The following VPS13C variants were observed in gnomAD, a reference collection of about 807,000 sequenced individuals.
The protein encoded by VPS13C is intermembrane lipid transfer protein VPS13C.
VPS13C carries 358 observed loss-of-function variants against 456.8 expected under a neutral mutation model. The observed-to-expected ratio is 0.78, with a 90% CI of 0.72 to 0.86. The LOEUF (loss-of-function observed/expected upper bound fraction) is 0.86. Ranked by LOEUF, VPS13C falls within the 40% of genes least tolerant of loss-of-function variation. VPS13C has a pLI of 0.00. For missense variants in VPS13C, 4,818 were observed against 4,385.4 expected, an observed-to-expected ratio of 1.10 and a Z score of -2.79; for synonymous variants, 1,578 against 1,486.7, an observed-to-expected ratio of 1.06 and a Z score of -1.41.
In VPS13C at chr15:61,912,021, A is replaced by G; in HGVS notation, c.8551-17T>C. 1 of 1,550,462 alleles carries G rather than the reference A, an allele frequency of 6.4e-7. No homozygotes were observed. The highest frequency in any genetic ancestry group is 8.7e-7 in the Non-Finnish European group (1 of 1,146,254). On this transcript the variant is annotated splice_polypyrimidine_tract_variant and intron_variant, in intron 62 of 84. Transcript: ENST00000644861. ...AACACCAACCTGTGGAAAGGAAAAA[A>G]GCTTATTTTCCAGTTTATTCAATGT...
intron 16 of VPS13C, among the ~76,000 whole-genome samples, chr15:61,996,998 C>CATATATATATATATATAT (rs35381809): frequency 4.8e-4 from 70 of 145,564 alleles, no homozygotes; most frequent in African/African-American, 1.8e-3. Flanking sequence ...TACATACATA[C>CATATATATATATATATAT]ATATATATAT....
chr15:62,030,592 A>G (rs990013937), intron 5 of VPS13C, among the ~76,000 whole-genome samples: 1 of 152,102 alleles, frequency 6.6e-6, no homozygotes, highest in African/African-American at 2.4e-5. Context: ...TAACACACAC[A>G]TCATGTGACC....
At chr15:61,869,405 C>A (rs1894846996) in intron 80 of VPS13C, 95 bp downstream of exon 80, 1 of 1,373,680 alleles carries the variant, frequency 7.3e-7, no homozygotes, top group Non-Finnish European at 9.9e-7. Context: ...ACTTTAAGAT[C>A]CTTAGGAGCA....
chr15:61,854,599 A>G (rs574028586), intron 84 of VPS13C, 41 bp from the exon 85 acceptor site: 3 of 1,595,598 alleles, frequency 1.9e-6, no homozygotes, highest in South Asian at 1.1e-5. Context: ...AAAGACAAGT[A>G]TAGGCTCATT....
intron 77 of VPS13C, among the ~76,000 whole-genome samples, chr15:61,874,093 C>T (rs776951158): frequency 2.0e-5 from 3 of 151,828 alleles, no homozygotes; most frequent in Non-Finnish European, 4.4e-5. Flanking sequence ...AAAACAAATA[C>T]TGCATGTTCT....
chr15:61,971,510 C>T (rs575623251), intron 27 of VPS13C, among the ~76,000 whole-genome samples: 1 of 152,296 alleles, frequency 6.6e-6, no homozygotes, highest in African/African-American at 2.4e-5. Context: ...ATCCACCCAC[C>T]TCGGGCTCCC....
At chr15:62,005,688 T>A (rs2046810585) in intron 15 of VPS13C, among the ~76,000 whole-genome samples, 1 of 151,892 alleles carries the variant, frequency 6.6e-6, no homozygotes, top group South Asian at 2.1e-4. Context: ...GTGCTTATTT[T>A]TTTTATTTTT....
At chr15:61,942,492 A>T (rs2044463608) in intron 45 of VPS13C, among the ~76,000 whole-genome samples, 1 of 151,734 alleles carries the variant, frequency 6.6e-6, no homozygotes, top group Non-Finnish European at 1.5e-5. Flanking sequence ...AGGCCACAGC[A>T]ATAAAGTTTA....
intron 61 of VPS13C, among the ~76,000 whole-genome samples, 164 bp downstream of exon 61, chr15:61,915,469 A>G (rs1368613672): frequency 6.6e-6 from 1 of 152,228 alleles, no homozygotes; most frequent in East Asian, 1.9e-4. Flanking sequence ...GAAACCTATT[A>G]GTTCCTAACA....
chr15:61,978,491 GTTTA>G, intron 23 of VPS13C, 131 bp downstream of exon 23: 1 of 1,080,478 alleles, frequency 9.3e-7, no homozygotes, highest in Non-Finnish European at 1.3e-6. Flanking sequence ...GTCCTACATG[GTTTA>G]TTTAAGCAGC....
At position 61,940,670 on chromosome 15, in the gene VPS13C, T is replaced by C. The variant is rs368339837; in HGVS notation, c.5578A>G (p.Lys1860Glu). ...ACCTGCATAGGTTTTAGTTTTCCTT[T>C]TATCTCCATCCCTGGAATTTGCACA... ...WYVQIPGMEI[K>E]GKLKPMQVAL... Residue 1860 changes from lysine to glutamate, a missense_variant, in exon 47 of 85, where the codon AAA becomes GAA. Lys to Glu is a moderately conservative substitution (Grantham distance 56). Coordinates refer to ENST00000644861, the MANE Select transcript of VPS13C (RefSeq NM_020821.3). 7.6e-5 allele frequency: 122 copies of C among 1,613,428 alleles called. No individual in the cohort carries two copies. Among genetic ancestry groups the C allele is most frequent in the Admixed American group, 3.5e-4 (21 of 60,006 alleles).
intron 16 of VPS13C, among the ~76,000 whole-genome samples, chr15:61,992,694 G>C (rs1043163656): frequency 6.6e-6 from 1 of 152,064 alleles, no homozygotes; most frequent in Non-Finnish European, 1.5e-5. Context: ...GTTTGAAACT[G>C]CAAGATGAAA....
At chr15:61,974,597 T>C (rs1353209951) in intron 24 of VPS13C, among the ~76,000 whole-genome samples, 180 bp from the exon 25 acceptor site, 1 of 152,126 alleles carries the variant, frequency 6.6e-6, no homozygotes, top group African/African-American at 2.4e-5. Flanking sequence ...TTAGCTAAGT[T>C]TTCAGATAAT....
chr15:61,907,423 T>A (rs200189197), intron 65 of VPS13C, 33 bp from the exon 66 acceptor site: 3 of 1,606,230 alleles, frequency 1.9e-6, no homozygotes, highest in Middle Eastern at 1.7e-4. Context: ...AAAATCAGAA[T>A]ATCTTGGAGA....
intron 16 of VPS13C, among the ~76,000 whole-genome samples, chr15:61,999,550 T>G (rs924812209): frequency 2.6e-5 from 4 of 152,292 alleles, no homozygotes; most frequent in Non-Finnish European, 5.9e-5. Context: ...TAAAAAGGAC[T>G]AAAAGGATAT....
At chr15:61,967,008 T>C (rs879688908) in intron 29 of VPS13C, among the ~76,000 whole-genome samples, 6 of 151,952 alleles carry the variant, frequency 3.9e-5, no homozygotes, top group Non-Finnish European at 5.9e-5. Flanking sequence ...ATGGCATTTG[T>C]CTTCTGAACC....
At chr15:61,865,415 G>C in intron 81 of VPS13C, 3 of 983,938 alleles carry the variant, frequency 3.0e-6, no homozygotes, top group Non-Finnish European at 3.6e-6. Context: ...GCATTTCTAA[G>C]AACATGGAAA....
chr15:61,974,899 C>G (rs142160958), intron 24 of VPS13C, among the ~76,000 whole-genome samples: 79 of 152,256 alleles, frequency 5.2e-4, no homozygotes, highest in Non-Finnish European at 7.2e-4. Context: ...TTACTCACTA[C>G]GAATCACCAC....
At chr15:61,940,386 G>A (rs1239614912) in intron 47 of VPS13C, among the ~76,000 whole-genome samples, 1 of 152,166 alleles carries the variant, frequency 6.6e-6, no homozygotes, top group Admixed American at 6.5e-5. Context: ...AGAAAAGTGA[G>A]GGAAACAAGG....
Sources: allele counts gnomAD v4.1 joint callset (sites outside exome capture counted in the v4.1 genomes callset), GRCh38; gene constraint gnomAD v4.1.1; transcripts MANE v1.5; gene names NCBI Gene and HGNC (gene_info 2026-07-23, HGNC 2026-07-21).